Variants in ETV6 observed in about 807,000 individuals in gnomAD.
ETV6 encodes the protein transcription factor ETV6.
ETV6 carries 16 observed loss-of-function variants against 51.1 expected under a neutral mutation model. The ratio of observed to expected loss-of-function variants is 0.31; its 90% CI spans 0.21 to 0.48. The LOEUF is 0.48. Among genes scored for constraint, ETV6 ranks in the 20% least tolerant of loss-of-function variants. The pLI is 0.99. For missense variants in ETV6, 458 were observed against 594.8 expected, an observed-to-expected ratio of 0.77 and a Z score of 2.39; for synonymous variants, 240 against 224.1, an observed-to-expected ratio of 1.07 and a Z score of -0.64.
At chr12:11,802,480 A>C (rs1945765165) in intron 2 of ETV6, among the ~76,000 whole-genome samples, 1 of 152,198 alleles carries the variant, frequency 6.6e-6, no homozygotes, top group African/African-American at 2.4e-5. Flanking sequence ...CTCCAGTGTT[A>C]AGGGTTTATG....
Position 11,650,466 on chromosome 12 carries a change from C to T in ETV6, c.33+306C>T, listed in dbSNP as rs192078613. Among the ~76,000 whole-genome samples the T allele has an allele frequency of 0.011, 1,195 of 106,596 alleles. 12 individuals are homozygous for T. The highest frequency in any genetic ancestry group is 0.016 in the Non-Finnish European group (912 of 55,982). 69.9% of individuals were successfully genotyped at this position (106,596 alleles called of 152,430 possible). A position where few individuals can be genotyped will look rare whatever the true frequency, so the allele number is the denominator to read the frequency against. On this transcript the variant is annotated intron_variant, in intron 1 of 7. Coordinates refer to ENST00000396373, the MANE Select transcript of ETV6 (RefSeq NM_001987.5). ...TGTCTCCAGAACCGTAAAACACCCC[C>T]GTAATTAGTGCGCTTAAAAAAAAAA...
At chr12:11,879,367 G>A (rs756337387) in intron 5 of ETV6, among the ~76,000 whole-genome samples, 3 of 152,154 alleles carry the variant, frequency 2.0e-5, no homozygotes, top group Admixed American at 6.5e-5. Context: ...CCTACTCAAA[G>A]TTTTTTAAGG....
intron 7 of ETV6, among the ~76,000 whole-genome samples, chr12:11,887,702 C>T (rs1377798767): frequency 5.3e-5 from 8 of 149,984 alleles, no homozygotes; most frequent in African/African-American, 1.2e-4. Flanking sequence ...GAGCTGAGAT[C>T]GCGCCACTGC....
chr12:11,686,280 G>C (rs1864626791), intron 1 of ETV6, among the ~76,000 whole-genome samples: 1 of 152,194 alleles, frequency 6.6e-6, no homozygotes, highest in African/African-American at 2.4e-5. Flanking sequence ...GGGTGGGATA[G>C]GATACCAGTA....
intron 6 of ETV6, 62 bp downstream of exon 6, chr12:11,884,649 A>T: frequency 6.3e-7 from 1 of 1,590,702 alleles, no homozygotes; most frequent in South Asian, 1.1e-5. Context: ...TTATCCCTGG[A>T]TTGGAGGATA....
chr12:11,851,668 G>A (rs1946557189), intron 3 of ETV6, among the ~76,000 whole-genome samples: 1 of 152,220 alleles, frequency 6.6e-6, no homozygotes, highest in Non-Finnish European at 1.5e-5. Flanking sequence ...GTGACATGGT[G>A]TCTGCAGCTC....
At chr12:11,770,211 G>A (rs897413253) in intron 2 of ETV6, among the ~76,000 whole-genome samples, 1 of 152,160 alleles carries the variant, frequency 6.6e-6, no homozygotes, top group Non-Finnish European at 1.5e-5. Context: ...GAGAGCCCCA[G>A]TAGACCATCA....
intron 1 of ETV6, among the ~76,000 whole-genome samples, chr12:11,698,096 A>G (rs935345637): frequency 2.0e-5 from 3 of 152,184 alleles, no homozygotes; most frequent in African/African-American, 7.2e-5. Context: ...TATGGAGAAT[A>G]TGTTTTTACC....
At chr12:11,828,043 A>G (rs563109829) in intron 2 of ETV6, among the ~76,000 whole-genome samples, 35 of 151,846 alleles carry the variant, frequency 2.3e-4, no homozygotes, top group Non-Finnish European at 4.4e-4. Flanking sequence ...GAACATTTCA[A>G]CTCTTAATAT....
At chr12:11,857,200 C>T (rs1406581549) in intron 4 of ETV6, among the ~76,000 whole-genome samples, 2 of 152,238 alleles carry the variant, frequency 1.3e-5, no homozygotes, top group East Asian at 3.8e-4. Context: ...GTGTCTTGCT[C>T]AATCTAGCAC....
At chr12:11,868,796 T>C (rs1448705043) in intron 4 of ETV6, among the ~76,000 whole-genome samples, 2 of 152,126 alleles carry the variant, frequency 1.3e-5, no homozygotes, top group African/African-American at 2.4e-5. Context: ...CTTCCACCTC[T>C]GAAAGCGACG....
chr12:11,757,082 A>G (rs1547392), intron 2 of ETV6, among the ~76,000 whole-genome samples: 122,085 of 152,024 alleles, frequency 0.8, 49,228 homozygotes, highest in Middle Eastern at 0.87. Flanking sequence ...ATGATGTTGC[A>G]GGTTAATAAA....
At chr12:11,729,567 G>C (rs1370385002) in intron 1 of ETV6, among the ~76,000 whole-genome samples, 1 of 152,182 alleles carries the variant, frequency 6.6e-6, no homozygotes, top group Non-Finnish European at 1.5e-5. Context: ...TCCCTGTCCT[G>C]TTTGGTATGA....
intron 1 of ETV6, among the ~76,000 whole-genome samples, chr12:11,666,396 G>A (rs1024122426): frequency 2.6e-5 from 4 of 152,156 alleles, no homozygotes; most frequent in Admixed American, 6.6e-5. Context: ...GAATGACTGG[G>A]CATACTATGG....
At chr12:11,814,659 C>T (rs1156368859) in intron 2 of ETV6, among the ~76,000 whole-genome samples, 1 of 152,188 alleles carries the variant, frequency 6.6e-6, no homozygotes, top group Non-Finnish European at 1.5e-5. Context: ...GCTCTGCAGC[C>T]CTCTCTCAGG....
intron 1 of ETV6, among the ~76,000 whole-genome samples, chr12:11,675,643 C>T (rs1304796256): frequency 6.6e-6 from 1 of 152,012 alleles, no homozygotes; most frequent in African/African-American, 2.4e-5. Context: ...GAGACCCTGT[C>T]TCTATAAAAA....
At chr12:11,854,439 C>G (rs1340412295) in intron 4 of ETV6, among the ~76,000 whole-genome samples, 1 of 152,108 alleles carries the variant, frequency 6.6e-6, no homozygotes, top group Non-Finnish European at 1.5e-5. Context: ...TTCTGATAAG[C>G]AAGGATGAAG....
chr12:11,748,938 T>C (rs1865958339), intron 1 of ETV6, among the ~76,000 whole-genome samples: 2 of 152,218 alleles, frequency 1.3e-5, no homozygotes, highest in Admixed American at 1.3e-4. Flanking sequence ...ATTTCAACTC[T>C]TGCCTACAAC....
At chr12:11,856,674 T>G (rs888683841) in intron 4 of ETV6, among the ~76,000 whole-genome samples, 1 of 152,158 alleles carries the variant, frequency 6.6e-6, no homozygotes, top group Admixed American at 6.5e-5. Context: ...CTACTTCCTC[T>G]CTCTCTCCCT....
Sources: gnomAD v4.1 joint callset for allele counts (sites outside exome capture counted in the v4.1 genomes callset) on GRCh38, gnomAD v4.1.1 for gene constraint, MANE v1.5 for transcripts, NCBI Gene and HGNC (gene_info 2026-07-23, HGNC 2026-07-21) for gene names.